VNN1: variants seen among roughly 807,000 people sequenced by gnomAD.
VNN1 encodes pantetheinase.
In VNN1, 29 loss-of-function variants were observed where a neutral mutation model predicts 41.9. The observed-to-expected ratio is 0.69, with a 90% CI of 0.52 to 0.94. The LOEUF (loss-of-function observed/expected upper bound fraction) is 0.94. Among genes scored for constraint, VNN1 ranks in the 40% least tolerant of loss-of-function variants. The probability of loss-of-function intolerance (pLI) is 0.00; values close to 1 mark genes in which losing one functional copy is unlikely to be tolerated. For synonymous variants in VNN1, 233 were observed against 224.4 expected, an observed-to-expected ratio of 1.04 and a Z score of -0.34; for missense variants, 637 against 621.1, an observed-to-expected ratio of 1.03 and a Z score of -0.27.
intron 2 of VNN1, among the ~76,000 whole-genome samples, chr6:132,708,751 C>T (rs1014283642): frequency 6.6e-6 from 1 of 152,146 alleles, no homozygotes; most frequent in Non-Finnish European, 1.5e-5. Flanking sequence ...ATCTCTATGC[C>T]ATAATGATCA....
In VNN1 at chr6:132,707,372, A is replaced by G. The variant is rs949211820; in HGVS notation, c.341+4337T>C. Among the ~76,000 whole-genome samples, 10 of 152,340 alleles carry G rather than the reference A, an allele frequency of 6.6e-5. No individual in the cohort carries two copies. In the South Asian group the frequency reaches 1.7e-3, roughly 25 times the overall value. ...ATGCAAATTAGTACAGTCACTGTAG[A>G]GAACAGTTTGAAGGTTTCTCAAAAA... On this transcript the variant is annotated intron_variant, in intron 2 of 6. Coordinates refer to ENST00000367928, the MANE Select transcript of VNN1 (RefSeq NM_004666.3).
At chr6:132,683,803 A>G (rs1778165422) in intron 6 of VNN1, among the ~76,000 whole-genome samples, 1 of 152,224 alleles carries the variant, frequency 6.6e-6, no homozygotes, top group Admixed American at 6.5e-5. Flanking sequence ...AACTTGCAGG[A>G]AGTCAGCGAA....
intron 5 of VNN1, among the ~76,000 whole-genome samples, chr6:132,685,926 T>C (rs1778200854): frequency 6.6e-6 from 1 of 152,150 alleles, no homozygotes; most frequent in African/African-American, 2.4e-5. Flanking sequence ...TAACACTGAA[T>C]GTTGAAAACG....
chr6:132,698,179 T>C (rs1049886962), intron 2 of VNN1, among the ~76,000 whole-genome samples: 4 of 152,238 alleles, frequency 2.6e-5, no homozygotes, highest in Admixed American at 6.5e-5. Context: ...GCTGAGTCCT[T>C]AATCCATGCA....
intron 1 of VNN1, 124 bp downstream of exon 1, chr6:132,713,702 T>A: frequency 9.7e-7 from 1 of 1,032,954 alleles, no homozygotes; most frequent in Non-Finnish European, 1.4e-6. Flanking sequence ...AAAATAAAGG[T>A]TCTTGGCTAC....
chr6:132,695,453 G>A (rs1778354555), intron 2 of VNN1, among the ~76,000 whole-genome samples: 1 of 152,148 alleles, frequency 6.6e-6, no homozygotes, highest in African/African-American at 2.4e-5. Context: ...GGCAGCTTAT[G>A]GGAGCAGGGT....
rs910412939 is a variant in VNN1 at position 132,681,083 on chromosome 6, T to C, written c.*2057A>G. Among the ~76,000 whole-genome samples, 3 of 152,292 alleles carry C rather than the reference T, an allele frequency of 2.0e-5. No individual in the cohort carries two copies. Among genetic ancestry groups the C allele is most frequent in the Admixed American group, 2.0e-4 (3 of 15,294 alleles). ...ATGGCCCCCATGAAGCCCCACCTCC[T>C]GATATTCTCAACTCTGTTTGATTCT... is the stretch of plus-strand genomic sequence containing the variant. On this transcript the variant is annotated 3_prime_UTR_variant, in exon 7 of 7. Coordinates refer to ENST00000367928, the MANE Select transcript of VNN1 (RefSeq NM_004666.3).
At chr6:132,699,087 C>T (rs542865101) in intron 2 of VNN1, 6 of 277,946 alleles carry the variant, frequency 2.2e-5, no homozygotes, top group East Asian at 1.0e-4. Flanking sequence ...TTCTTCTATT[C>T]GGCTGTAAAA....
intron 5 of VNN1, among the ~76,000 whole-genome samples, chr6:132,687,350 C>T (rs557914540): frequency 5.9e-5 from 9 of 152,220 alleles, no homozygotes; most frequent in Admixed American, 5.9e-4. Flanking sequence ...TCTTGCATCC[C>T]GATCACTCTC....
intron 2 of VNN1, among the ~76,000 whole-genome samples, chr6:132,710,528 C>T (rs946514971): frequency 5.3e-5 from 8 of 152,112 alleles, no homozygotes; most frequent in South Asian, 2.1e-4. Flanking sequence ...CCTTAGCCCC[C>T]GACTCCCCGA....
chr6:132,692,030 A>T (rs922751951), intron 5 of VNN1, among the ~76,000 whole-genome samples, 193 bp downstream of exon 5: 18 of 152,148 alleles, frequency 1.2e-4, no homozygotes, highest in African/African-American at 1.7e-4. Flanking sequence ...GATTTAGCAA[A>T]TAAATTTAGC....
intron 5 of VNN1, among the ~76,000 whole-genome samples, chr6:132,685,522 C>A (rs1187230323): frequency 6.6e-6 from 1 of 152,002 alleles, no homozygotes; most frequent in Admixed American, 6.6e-5. Context: ...TTTTAACCCA[C>A]AAAGGTAGGA....
At chr6:132,694,831 C>A (rs1411261171) in intron 2 of VNN1, among the ~76,000 whole-genome samples, 1 of 151,712 alleles carries the variant, frequency 6.6e-6, no homozygotes, top group African/African-American at 2.4e-5. Flanking sequence ...CCAACCTGGG[C>A]AACAGAGCAA....
chr6:132,706,840 T>C (rs1024392621), intron 2 of VNN1, among the ~76,000 whole-genome samples: 2 of 130,436 alleles, frequency 1.5e-5, no homozygotes, highest in Non-Finnish European at 3.1e-5. Flanking sequence ...AATCCAAAAA[T>C]GGGCAAAAGA....
chr6:132,710,064 T>G (rs1236279726), intron 2 of VNN1, among the ~76,000 whole-genome samples: 1 of 152,146 alleles, frequency 6.6e-6, no homozygotes, highest in East Asian at 1.9e-4. Context: ...TTTGTTTGTT[T>G]TTGAGACAGA....
intron 1 of VNN1, among the ~76,000 whole-genome samples, chr6:132,712,727 G>A (rs1778622546): frequency 6.6e-6 from 1 of 152,150 alleles, no homozygotes; most frequent in Non-Finnish European, 1.5e-5. Context: ...GCTAACCTGG[G>A]CACCTTCCAA....
intron 2 of VNN1, among the ~76,000 whole-genome samples, chr6:132,695,158 A>C (rs1217022156): frequency 6.6e-6 from 1 of 152,132 alleles, no homozygotes; most frequent in East Asian, 1.9e-4. Flanking sequence ...ATCTCAAAAA[A>C]AAATTTTTTT....
At chr6:132,702,029 G>A (rs1479623234) in intron 2 of VNN1, among the ~76,000 whole-genome samples, 1 of 152,244 alleles carries the variant, frequency 6.6e-6, no homozygotes, top group Non-Finnish European at 1.5e-5. Context: ...GATCACCAAT[G>A]TGGGATAAAG....
chr6:132,690,944 T>C (rs73543003), intron 5 of VNN1, among the ~76,000 whole-genome samples: 4,439 of 152,268 alleles, frequency 0.029, 215 homozygotes, highest in African/African-American at 0.1. Context: ...CAGGAACCCC[T>C]CTTGGTGACG....
Sources: allele counts gnomAD v4.1 joint callset (sites outside exome capture counted in the v4.1 genomes callset), GRCh38; gene constraint gnomAD v4.1.1; transcripts MANE v1.5; gene names NCBI Gene and HGNC (gene_info 2026-07-23, HGNC 2026-07-21).